SLC35F4: variants seen among roughly 807,000 people sequenced by gnomAD.
The protein encoded by SLC35F4 is solute carrier family 35 member F4, also known as chromosome 14 open reading frame 36.
SLC35F4 carries 24 observed loss-of-function variants against 44.2 expected under a neutral mutation model. The observed-to-expected ratio is 0.54, with a 90% CI of 0.39 to 0.76. The LOEUF (loss-of-function observed/expected upper bound fraction) is 0.76, where lower values mean the gene tolerates loss of function less well. Ranked by LOEUF, SLC35F4 falls within the 30% of genes least tolerant of loss-of-function variation. The pLI is 0.00. For synonymous variants in SLC35F4, 238 were observed against 223.6 expected, an observed-to-expected ratio of 1.06 and a Z score of -0.57; for missense variants, 562 against 586.1, an observed-to-expected ratio of 0.96 and a Z score of 0.42.
intron 1 of SLC35F4, among the ~76,000 whole-genome samples, chr14:57,620,633 C>T (rs189986940): frequency 3.2e-4 from 49 of 152,204 alleles, no homozygotes; most frequent in Admixed American, 2.6e-4. Context: ...AGTTTTTGCC[C>T]ATTCAGTATG....
intron 3 of SLC35F4, among the ~76,000 whole-genome samples, chr14:57,587,982 TGAA>T: frequency 3.3e-5 from 5 of 151,700 alleles, no homozygotes; most frequent in African/African-American, 1.2e-4. Flanking sequence ...GGCCAGGAGT[TGAA>T]GAGCAGTCTA....
chr14:57,576,175 G>C (rs1366527119), intron 4 of SLC35F4, among the ~76,000 whole-genome samples: 1 of 152,056 alleles, frequency 6.6e-6, no homozygotes, highest in Admixed American at 6.6e-5. Context: ...CCAAGGCATT[G>C]GATGAACCTT....
At chr14:57,645,196 A>C (rs367599595) in intron 1 of SLC35F4, among the ~76,000 whole-genome samples, 37 of 152,174 alleles carry the variant, frequency 2.4e-4, no homozygotes, top group Admixed American at 5.2e-4. Context: ...CATTGAATCT[A>C]TAAATTACCT....
At chr14:57,981,838 C>T (rs1343929361) in intron 1 of SLC35F4, 1 of 152,298 alleles carries the variant, frequency 6.6e-6, no homozygotes, top group Non-Finnish European at 1.5e-5. Flanking sequence ...ATGTCCATTC[C>T]GAGTTCATCT....
chr14:57,737,268 C>G (rs542660254), intron 1 of SLC35F4, among the ~76,000 whole-genome samples: 23 of 152,216 alleles, frequency 1.5e-4, no homozygotes, highest in Admixed American at 1.5e-3. Context: ...TGGTTCCAGT[C>G]AGTGATTAGG....
intron 2 of SLC35F4, among the ~76,000 whole-genome samples, chr14:57,591,926 A>G (rs1270828956): frequency 1.3e-5 from 2 of 152,144 alleles, no homozygotes; most frequent in African/African-American, 4.8e-5. Flanking sequence ...CCACTATACT[A>G]TGGGTGTGCT....
At chr14:57,683,354 A>T (rs995468219) in intron 1 of SLC35F4, among the ~76,000 whole-genome samples, 1 of 152,226 alleles carries the variant, frequency 6.6e-6, no homozygotes, top group Non-Finnish European at 1.5e-5. Flanking sequence ...AGTTAAGAAA[A>T]ATGCAATGAA....
chr14:57,734,244 G>A (rs903536312), intron 1 of SLC35F4, among the ~76,000 whole-genome samples: 1 of 152,080 alleles, frequency 6.6e-6, no homozygotes, highest in Admixed American at 6.6e-5. Flanking sequence ...TTTCCTACTT[G>A]GTAGTTGTGC....
At chr14:57,655,708 A>G (rs573772423) in intron 1 of SLC35F4, among the ~76,000 whole-genome samples, 1 of 152,190 alleles carries the variant, frequency 6.6e-6, no homozygotes, top group Admixed American at 6.5e-5. Flanking sequence ...TCAGGCACCC[A>G]AGACCCTTTC....
intron 1 of SLC35F4, chr14:57,630,380 A>G (rs2072710241): frequency 1.6e-6 from 1 of 638,496 alleles, no homozygotes; most frequent in Non-Finnish European, 2.9e-6. Flanking sequence ...AAGCCATTCC[A>G]AATATGATAG....
chr14:57,599,815 A>G, intron 1 of SLC35F4, among the ~76,000 whole-genome samples: 1 of 147,206 alleles, frequency 6.8e-6, no homozygotes, highest in Non-Finnish European at 1.5e-5. Context: ...AAAAAAAAAA[A>G]AAAACAACAC....
chr14:57,767,040 T>A (rs2077252169), intron 1 of SLC35F4, among the ~76,000 whole-genome samples: 1 of 152,180 alleles, frequency 6.6e-6, no homozygotes, highest in South Asian at 2.1e-4. Flanking sequence ...GGAAGACATA[T>A]GATTCTAAAT....
intron 1 of SLC35F4, among the ~76,000 whole-genome samples, chr14:57,812,697 G>T (rs955877449): frequency 6.6e-6 from 1 of 151,758 alleles, no homozygotes; most frequent in Non-Finnish European, 1.5e-5. Context: ...ATCATCTACA[G>T]AACGGACAAA....
intron 1 of SLC35F4, among the ~76,000 whole-genome samples, chr14:57,645,718 C>T (rs186292343): frequency 6.6e-6 from 1 of 151,258 alleles, no homozygotes; most frequent in African/African-American, 2.4e-5. Flanking sequence ...AAAGGGAATG[C>T]TTCCAGTTTT....
intron 1 of SLC35F4, among the ~76,000 whole-genome samples, chr14:57,897,057 A>T (rs190359006): frequency 1.2e-3 from 186 of 152,316 alleles, no homozygotes; most frequent in Non-Finnish European, 2.0e-3. Flanking sequence ...AATGAATTTA[A>T]CTAAATACAC....
intron 1 of SLC35F4, among the ~76,000 whole-genome samples, chr14:57,598,323 C>A (rs1002946496): frequency 6.6e-6 from 1 of 152,094 alleles, no homozygotes; most frequent in Non-Finnish European, 1.5e-5. Flanking sequence ...AATATTACAC[C>A]GATGCTTGTC....
chr14:57,777,985 C>A (rs1170222430), intron 1 of SLC35F4, among the ~76,000 whole-genome samples: 2 of 152,106 alleles, frequency 1.3e-5, no homozygotes, highest in African/African-American at 2.4e-5. Flanking sequence ...CAAATCTCAT[C>A]TTGAATTGTA....
intron 1 of SLC35F4, among the ~76,000 whole-genome samples, chr14:57,715,581 GGAGT>G (rs2075919638): frequency 6.6e-6 from 1 of 152,172 alleles, no homozygotes; most frequent in Non-Finnish European, 1.5e-5. Flanking sequence ...TATGGTCCTG[GGAGT>G]GAGTGACTAA....
intron 1 of SLC35F4, among the ~76,000 whole-genome samples, chr14:57,751,748 C>T (rs1336498044): frequency 6.6e-6 from 1 of 152,088 alleles, no homozygotes; most frequent in Non-Finnish European, 1.5e-5. Context: ...ATTATGGTGG[C>T]TATGTTAAAA....
Sources: allele counts gnomAD v4.1 joint callset (sites outside exome capture counted in the v4.1 genomes callset), GRCh38; gene constraint gnomAD v4.1.1; transcripts MANE v1.5; gene names NCBI Gene and HGNC (gene_info 2026-07-23, HGNC 2026-07-21).